Variants in MTHFS observed in about 807,000 individuals in gnomAD.
MTHFS encodes the protein methenyltetrahydrofolate synthetase.
MTHFS carries 7 observed loss-of-function variants against 12.7 expected under a neutral mutation model. The observed-to-expected ratio is 0.55, with a 90% confidence interval of 0.31 to 1.03. The LOEUF (loss-of-function observed/expected upper bound fraction) is 1.03. Ranked by LOEUF, MTHFS falls within the 50% of genes least tolerant of loss-of-function variation. The pLI, the probability that MTHFS is intolerant of heterozygous loss-of-function variation, is 0.05. For synonymous variants in MTHFS, 100 were observed against 97.1 expected (o/e 1.03, Z -0.18); for missense variants, 252 against 258.1 (o/e 0.98, Z 0.16).
At chr15:79,861,141 A>G (rs1443265345) in intron 2 of MTHFS, among the ~76,000 whole-genome samples, 2 of 152,204 alleles carry the variant, frequency 1.3e-5, no homozygotes, top group African/African-American at 2.4e-5. Flanking sequence ...AATCTTCAAA[A>G]CAATCTAGTG....
At chr15:79,871,959 G>C (rs150426349) in intron 2 of MTHFS, among the ~76,000 whole-genome samples, 2,892 of 151,864 alleles carry the variant, frequency 0.019, 115 homozygotes, top group African/African-American at 0.066. Context: ...ACAAAAATTA[G>C]CCGGGCATGG....
intron 2 of MTHFS, among the ~76,000 whole-genome samples, chr15:79,853,114 T>G (rs1021694950): frequency 6.6e-6 from 1 of 152,164 alleles, no homozygotes; most frequent in Non-Finnish European, 1.5e-5. Flanking sequence ...GGTTCACCCC[T>G]ATAAGGATAT....
upstream of MTHFS, chr15:79,897,026 C>T: frequency 1.3e-6 from 2 of 1,491,320 alleles, no homozygotes; most frequent in South Asian, 2.5e-5. Flanking sequence ...CCCTCGGCGC[C>T]CTGGGCGCCC....
At chr15:79,890,207 C>CTTTTTTTTTTTTTTTTT (rs71150999) in intron 1 of MTHFS, among the ~76,000 whole-genome samples, 1 of 100,694 alleles carries the variant, frequency 9.9e-6, no homozygotes, top group African/African-American at 3.7e-5. Context: ...CTCTTTTTTC[C>CTTTTTTTTTTTTTTTTT]TTTTTTTTTT....
intron 2 of MTHFS, among the ~76,000 whole-genome samples, chr15:79,854,774 T>C (rs1463148217): frequency 6.6e-6 from 1 of 152,202 alleles, no homozygotes; most frequent in African/African-American, 2.4e-5. Context: ...GCCTACTACG[T>C]TGTCTAGAAA....
At chr15:79,855,565 C>T (rs935483899) in intron 2 of MTHFS, among the ~76,000 whole-genome samples, 1 of 152,120 alleles carries the variant, frequency 6.6e-6, no homozygotes, top group Non-Finnish European at 1.5e-5. Flanking sequence ...GTTTGTTATA[C>T]AAGTAAACTC....
At chr15:79,883,091 C>T (rs1021936780) in intron 2 of MTHFS, among the ~76,000 whole-genome samples, 1 of 152,150 alleles carries the variant, frequency 6.6e-6, no homozygotes, top group African/African-American at 2.4e-5. Flanking sequence ...GTAGTCCTGG[C>T]TACTCAGGAG....
intron 2 of MTHFS, among the ~76,000 whole-genome samples, chr15:79,869,586 C>A (rs1024848426): frequency 1.3e-5 from 2 of 152,006 alleles, no homozygotes; most frequent in African/African-American, 4.8e-5. Flanking sequence ...AGTTGTATGC[C>A]AACACAGCCA....
intron 2 of MTHFS, among the ~76,000 whole-genome samples, chr15:79,858,015 C>CAAAAAAAA (rs71453466): frequency 1.0e-4 from 6 of 59,458 alleles, no homozygotes; most frequent in Admixed American, 2.0e-4. Flanking sequence ...GACTCCATCT[C>CAAAAAAAA]AAAAAAAAAA....
Position 79,845,287 on chromosome 15 carries a change from T to A in MTHFS, c.535A>T (p.Ile179Phe), listed in dbSNP as rs751818536. The part of the protein sequence containing the change: ...YTLALAFKEQ[I>F]CLQVPVNEND... The stretch of plus-strand genomic sequence containing the variant: ...TCATTCACTGGGACCTGGAGGCAAA[T>A]CTGTTCTTTGAAAGCCAACGCCAGG... Residue 179 changes from isoleucine (I) to phenylalanine (F), a missense_variant, in exon 3 of 3, where the codon ATT becomes TTT. Physicochemically the swap from Ile to Phe is conservative, Grantham distance 21 (BLOSUM62 0). Coordinates refer to ENST00000258874, the MANE Select transcript of MTHFS (RefSeq NM_006441.4). 1 of 1,614,066 alleles carries A rather than the reference T, an allele frequency of 6.2e-7. No individual in the cohort carries two copies. The highest frequency in any genetic ancestry group is 2.2e-5 in the East Asian group (1 of 44,874).
In MTHFS at chr15:79,861,692, T is replaced by C. The variant is rs950651851; in HGVS notation, c.380-16250A>G. Among the ~76,000 whole-genome samples the C allele has an allele frequency of 5.3e-5, 8 of 152,256 alleles. No individual in the cohort carries two copies. In the South Asian group the frequency reaches 6.2e-4, roughly 12 times the overall value. ...ACCTAAAAAACAGAAGCAACCCAAA[T>C]AGCTATCAACAGAAGACTGGTTAAA... On this transcript the variant is annotated intron_variant, in intron 2 of 2. Transcript: ENST00000258874.
intron 2 of MTHFS, among the ~76,000 whole-genome samples, chr15:79,851,001 G>T (rs2033708337): frequency 6.6e-6 from 1 of 152,146 alleles, no homozygotes; most frequent in Non-Finnish European, 1.5e-5. Flanking sequence ...AATATAATCA[G>T]TTCAGCTAGT....
At chr15:79,856,403 T>A (rs956744133) in intron 2 of MTHFS, among the ~76,000 whole-genome samples, 3 of 152,372 alleles carry the variant, frequency 2.0e-5, no homozygotes, top group Non-Finnish European at 4.4e-5. Context: ...ATAGATTCAA[T>A]ATCTCAGATC....
upstream of MTHFS, chr15:79,897,032 C>T (rs1477227820): frequency 1.3e-5 from 19 of 1,488,264 alleles, no homozygotes; most frequent in East Asian, 4.4e-4. Flanking sequence ...GCGCCCTGGG[C>T]GCCCTCGGGT....
intron 2 of MTHFS, among the ~76,000 whole-genome samples, chr15:79,846,994 C>T (rs75994380): frequency 0.016 from 2,429 of 152,260 alleles, 60 homozygotes; most frequent in African/African-American, 0.055. Flanking sequence ...AAAATATAAC[C>T]GCATGTAATT....
At chr15:79,845,464 T>G in intron 2 of MTHFS, 22 bp from the exon 3 acceptor site, 6 of 1,607,362 alleles carry the variant, frequency 3.7e-6, no homozygotes, top group Non-Finnish European at 5.1e-6. Flanking sequence ...AGGAACAAAT[T>G]TAAGAGGATT....
At chr15:79,846,395 G>C (rs2085969825) in intron 2 of MTHFS, among the ~76,000 whole-genome samples, 1 of 152,204 alleles carries the variant, frequency 6.6e-6, no homozygotes, top group African/African-American at 2.4e-5. Context: ...CTATAGCTTA[G>C]TTGTGGAATA....
chr15:79,880,800 A>AAC (rs377623712), intron 2 of MTHFS, among the ~76,000 whole-genome samples: 1 of 149,356 alleles, frequency 6.7e-6, no homozygotes, highest in Non-Finnish European at 1.5e-5. Context: ...GCAAAAAAAA[A>AAC]AAACAAACAA....
At chr15:79,849,863 A>T (rs1474029253) in intron 2 of MTHFS, among the ~76,000 whole-genome samples, 1 of 152,138 alleles carries the variant, frequency 6.6e-6, no homozygotes, top group Non-Finnish European at 1.5e-5. Context: ...GCATTCCAAA[A>T]CTACAAAGCT....
Sources: allele counts gnomAD v4.1 joint callset (sites outside exome capture counted in the v4.1 genomes callset), GRCh38; gene constraint gnomAD v4.1.1; transcripts MANE v1.5; gene names NCBI Gene and HGNC (gene_info 2026-07-23, HGNC 2026-07-21).